CAT: variants seen among roughly 807,000 people sequenced by gnomAD.
CAT encodes catalase.
A neutral mutation model predicts 59.0 loss-of-function variants in CAT; 43 were observed. The observed-to-expected ratio is 0.73, with a 90% CI of 0.57 to 0.94. The LOEUF (loss-of-function observed/expected upper bound fraction) is 0.94. CAT is among the 40% of genes least tolerant of loss of function. CAT has a pLI of 0.00. For synonymous variants in CAT, 218 were observed against 230.9 expected (o/e 0.94, Z 0.51); for missense variants, 664 against 682.9 (o/e 0.97, Z 0.31).
chr11:34,448,576 G>A (rs1856486241), intron 1 of CAT, among the ~76,000 whole-genome samples: 1 of 152,124 alleles, frequency 6.6e-6, no homozygotes, highest in Admixed American at 6.5e-5. Context: ...CCATTTCAGA[G>A]ACATTTGCTA....
In CAT at chr11:34,448,062, A is replaced by G. The variant is rs544149307; in HGVS notation, c.67-1130A>G. Among the ~76,000 whole-genome samples the G allele has an allele frequency of 1.7e-3, 260 of 152,302 alleles. 2 individuals are homozygous for G. Among genetic ancestry groups the G allele is most frequent in the Non-Finnish European group, 2.8e-3 (193 of 68,026 alleles). ...CAAATTGCACGGTCTCCTTTATTCA[A>G]TATCTTTTTTCAAACAGCTCACAGA... On this transcript the variant is annotated intron_variant, in intron 1 of 12. Coordinates refer to ENST00000241052, the MANE Select transcript of CAT (RefSeq NM_001752.4).
At chr11:34,455,674 T>C (rs1353138134) in intron 6 of CAT, among the ~76,000 whole-genome samples, 1 of 152,206 alleles carries the variant, frequency 6.6e-6, no homozygotes, top group Non-Finnish European at 1.5e-5. Context: ...TTTATTAATC[T>C]TTTGCCTACT....
chr11:34,446,983 A>G (rs1453960596), intron 1 of CAT, among the ~76,000 whole-genome samples: 2 of 152,058 alleles, frequency 1.3e-5, no homozygotes, highest in Non-Finnish European at 2.9e-5. Flanking sequence ...ATCTCAGGTG[A>G]TCCACCTGCT....
chr11:34,445,004 C>A (rs1856432630), intron 1 of CAT, among the ~76,000 whole-genome samples: 1 of 152,096 alleles, frequency 6.6e-6, no homozygotes, highest in East Asian at 1.9e-4. Context: ...AGGGGCGATG[C>A]AGGGAGAGGG....
chr11:34,449,183 T>G lies in CAT; in HGVS notation c.67-9T>G. Reference sequence around the variant, plus strand: ...AACTCTCCTGCACTTTCTTTCTGTGTTCCTGTAGAAAGCTGATGTCCTGAC... The same window carrying G: ...AACTCTCCTGCACTTTCTTTCTGTGGTCCTGTAGAAAGCTGATGTCCTGAC... On this transcript the variant is annotated splice_polypyrimidine_tract_variant and intron_variant, in intron 1 of 12. Coordinates refer to ENST00000241052, the MANE Select transcript of CAT (RefSeq NM_001752.4). The G allele has an allele frequency of 6.2e-7, 1 of 1,613,520 alleles. No homozygotes were observed. The highest frequency in any genetic ancestry group is 1.3e-5 in the African/African-American group (1 of 75,068).
chr11:34,454,405 C>A (rs1054653452), intron 6 of CAT, among the ~76,000 whole-genome samples: 1 of 152,120 alleles, frequency 6.6e-6, no homozygotes, highest in East Asian at 1.9e-4. Context: ...GCATTTGTTA[C>A]AATGAGCAAT....
chr11:34,455,098 G>T (rs188981199), intron 6 of CAT, among the ~76,000 whole-genome samples: 203 of 152,306 alleles, frequency 1.3e-3, no homozygotes, highest in Non-Finnish European at 2.5e-3. Flanking sequence ...GAAAGGTATT[G>T]CAGTGTTATT....
chr11:34,452,804 G>A (rs1856540308), intron 4 of CAT, among the ~76,000 whole-genome samples: 1 of 151,374 alleles, frequency 6.6e-6, no homozygotes, highest in Non-Finnish European at 1.5e-5. Flanking sequence ...GCAGTGAGCT[G>A]TGATCATGCC....
In CAT at chr11:34,452,213, T is replaced by C. The variant is rs2133182882; in HGVS notation, c.480+6T>C. 2 of 1,613,306 alleles carry C rather than the reference T, an allele frequency of 1.2e-6. No individual in the cohort carries two copies. Among genetic ancestry groups the C allele is most frequent in the Non-Finnish European group, 1.7e-6 (2 of 1,179,282 alleles). ...TCATCAGGGATCCCATATTGGTAGGTAATAGAGTATTTTGCACTCAACAAA... is the reference window on the plus strand; with the variant it reads ...TCATCAGGGATCCCATATTGGTAGGCAATAGAGTATTTTGCACTCAACAAA... On this transcript the variant is annotated splice_donor_region_variant and intron_variant, in intron 4 of 12. Transcript: ENST00000241052.
intron 10 of CAT, among the ~76,000 whole-genome samples, chr11:34,467,984 C>T (rs1446314127): frequency 6.6e-6 from 1 of 152,114 alleles, no homozygotes; most frequent in African/African-American, 2.4e-5. Flanking sequence ...GCAGCTTGCA[C>T]ATTTTAGACT....
chr11:34,449,512 T>C (rs1856497362), intron 2 of CAT, 149 bp downstream of exon 2: 6 of 652,346 alleles, frequency 9.2e-6, no homozygotes, highest in Non-Finnish European at 1.6e-5. Flanking sequence ...GGGAAATTAG[T>C]AAATAAATGA....
At position 34,471,485 on chromosome 11, in the gene CAT, C is replaced by A. The variant is rs907605165; in HGVS notation, c.*52C>A. 2 of 1,444,614 alleles carry A rather than the reference C, an allele frequency of 1.4e-6. No individual in the cohort carries two copies. The highest frequency in any genetic ancestry group is 2.0e-6 in the Non-Finnish European group (2 of 1,025,398). 89.5% of individuals were successfully genotyped at this position (1,444,614 alleles called of 1,614,324 possible). ...AAGCTTAGCGTTCATCCGTGTAACC[C>A]GCTCATCACTGGATGAAGATTCTCC... On this transcript the variant is annotated 3_prime_UTR_variant, in exon 13 of 13. Transcript: ENST00000241052.
chr11:34,447,679 T>C (rs886780765), intron 1 of CAT, among the ~76,000 whole-genome samples: 1 of 152,208 alleles, frequency 6.6e-6, no homozygotes, highest in Non-Finnish European at 1.5e-5. Flanking sequence ...AAAATAAAAC[T>C]TCAAATGCTT....
chr11:34,449,826 C>A (rs886414326), intron 2 of CAT, among the ~76,000 whole-genome samples: 1 of 152,140 alleles, frequency 6.6e-6, no homozygotes, highest in Non-Finnish European at 1.5e-5. Context: ...GCCATACATA[C>A]CTTTAAGAAA....
In CAT at chr11:34,458,194, C is replaced by T. The variant is rs183286365; in HGVS notation, c.1056+1377C>T. Reference sequence around the variant, plus strand: ...ATTTTGATTTTTAGTAGGTAAAATGCGGCAGGAGAAGGACATGAGTATAGG... The same window carrying T: ...ATTTTGATTTTTAGTAGGTAAAATGTGGCAGGAGAAGGACATGAGTATAGG... On this transcript the variant is annotated intron_variant, in intron 8 of 12. Coordinates refer to ENST00000241052, the MANE Select transcript of CAT (RefSeq NM_001752.4). Among the ~76,000 whole-genome samples the T allele has an allele frequency of 1.2e-4, 18 of 152,236 alleles. No homozygotes were observed. The East Asian group carries it at 1.9e-3, about 16-fold the overall frequency.
At chr11:34,447,267 G>C (rs991128006) in intron 1 of CAT, among the ~76,000 whole-genome samples, 6 of 152,204 alleles carry the variant, frequency 3.9e-5, no homozygotes, top group Non-Finnish European at 7.3e-5. Context: ...ACATCTCTAG[G>C]GGGGATGGCC....
In CAT at chr11:34,456,710, G is replaced by T. The variant is rs766625891; in HGVS notation, c.949G>T (p.Val317Phe). The T allele has an allele frequency of 1.9e-6, 3 of 1,614,104 alleles. No individual in the cohort carries two copies. The highest frequency in any genetic ancestry group is 1.3e-5 in the African/African-American group (1 of 75,032). ...CCCTCTCATCCCAGTTGGTAAACTG[G>T]TCTTAAACCGGAATCCAGTTAATTA... ...DYPLIPVGKL[V>F]LNRNPVNYFA... The change falls in exon 8 of 13, where the codon GTC (valine) becomes TTC (phenylalanine). Residue 317 changes from valine to phenylalanine, a missense_variant. Coordinates refer to ENST00000241052, the MANE Select transcript of CAT (RefSeq NM_001752.4).
intron 10 of CAT, among the ~76,000 whole-genome samples, chr11:34,467,902 T>G (rs1856737226): frequency 6.6e-6 from 1 of 152,172 alleles, no homozygotes; most frequent in African/African-American, 2.4e-5. Context: ...TATCTCTAGC[T>G]AAATTAGTTA....
At chr11:34,470,697 T>C (rs890713091) in intron 11 of CAT, 1 of 497,870 alleles carries the variant, frequency 2.0e-6, no homozygotes, top group African/African-American at 1.9e-5. Flanking sequence ...TTAGGTGTCA[T>C]TTTCTTGCGC....
Sources: gnomAD v4.1 joint callset for allele counts (sites outside exome capture counted in the v4.1 genomes callset) on GRCh38, gnomAD v4.1.1 for gene constraint, MANE v1.5 for transcripts, NCBI Gene and HGNC (gene_info 2026-07-23, HGNC 2026-07-21) for gene names.